The following GAK variants were observed in gnomAD, a reference collection of about 807,000 sequenced individuals.
GAK encodes the protein cyclin G associated kinase, also known as cyclin-G-associated kinase.
GAK carries 79 observed loss-of-function variants against 143.9 expected under a neutral mutation model. The ratio of observed to expected loss-of-function variants is 0.55; its 90% CI spans 0.46 to 0.66. The LOEUF (loss-of-function observed/expected upper bound fraction) is 0.66. Among genes scored for constraint, GAK ranks in the 30% least tolerant of loss-of-function variants. The pLI, the probability that GAK is intolerant of heterozygous loss-of-function variation, is 0.00. For synonymous variants in GAK, 881 were observed against 765.5 expected (o/e 1.15, Z -2.49); for missense variants, 1,693 against 1,779.7 (o/e 0.95, Z 0.88).
intron 27 of GAK, 59 bp from the exon 28 acceptor site, chr4:849,833 G>GTCCCCCCCCCCC: frequency 2.5e-6 from 3 of 1,190,152 alleles, no homozygotes; most frequent in African/African-American, 2.1e-5. Context: ...GGCGGGGCAG[G>GTCCCCCCCCCCC]ACCCCCCCCC....
At chr4:907,597 T>C (rs918875438) in intron 4 of GAK, among the ~76,000 whole-genome samples, 7 of 152,322 alleles carry the variant, frequency 4.6e-5, no homozygotes, top group Admixed American at 1.3e-4. Context: ...AAAAATTCTG[T>C]ATGTGGCTGA....
At chr4:868,737 G>T (rs1335374008) in intron 19 of GAK, 52 bp from the exon 20 acceptor site, 3 of 1,524,656 alleles carry the variant, frequency 2.0e-6, no homozygotes, top group Middle Eastern at 2.2e-4. Context: ...CAGCCTCGGG[G>T]CAACACTGAC....
intron 18 of GAK, among the ~76,000 whole-genome samples, chr4:873,988 G>A (rs758457257): frequency 2.1e-4 from 32 of 152,128 alleles, no homozygotes; most frequent in Non-Finnish European, 3.7e-4. Context: ...TTGTTCTGGC[G>A]AATTCATCAC....
intron 1 of GAK, among the ~76,000 whole-genome samples, chr4:925,574 G>A (rs907537055): frequency 6.6e-6 from 1 of 152,210 alleles, no homozygotes; most frequent in African/African-American, 2.4e-5. Context: ...ATGAATCTGT[G>A]TCCCCTCCAA....
At chr4:856,510 GCTGCTCACAC>G (rs1488248716) in intron 24 of GAK, among the ~76,000 whole-genome samples, 5 of 139,764 alleles carry the variant, frequency 3.6e-5, no homozygotes, top group Non-Finnish European at 1.5e-5. Flanking sequence ...CACCACCACA[GCTGCTCACAC>G]CTGCTCACCA....
chr4:903,731 T>G (rs1037042916), intron 5 of GAK, among the ~76,000 whole-genome samples: 2 of 136,784 alleles, frequency 1.5e-5, no homozygotes, highest in African/African-American at 5.6e-5. Flanking sequence ...GAGGAAGGAG[T>G]GTGGGGTGAG....
chr4:850,719 C>T, intron 26 of GAK: 1 of 334,258 alleles, frequency 3.0e-6, no homozygotes, highest in Non-Finnish European at 5.5e-6. Flanking sequence ...CTCTGCCCTG[C>T]CCCCCTGGCC....
intron 23 of GAK, among the ~76,000 whole-genome samples, chr4:861,554 G>C (rs1292392657): frequency 1.3e-5 from 2 of 152,154 alleles, no homozygotes. Flanking sequence ...TCGTGCCACT[G>C]CACTCCAGCC....
rs1335471172 is a variant in GAK, at chr4:884,083, A to G, written c.1209T>C (p.Tyr403=). The G allele has an allele frequency of 1.9e-6, 3 of 1,613,486 alleles. No individual in the cohort carries two copies. The highest frequency in any genetic ancestry group is 1.1e-5 in the South Asian group (1 of 91,084). The part of the protein sequence containing the change: ...SSKVIQSVAN[Y]AKGDLDISYI... ...AAGATATGTCCAGGTCACCCTTTGC[A>G]TAACTGGAATTAAAAAGAAGAGAAC... Residue 403 remains tyrosine, a synonymous_variant, in exon 12 of 28, where the codon TAT becomes TAC. Transcript: ENST00000314167.
At chr4:912,342 GC>G (rs1171825475) in intron 3 of GAK, 2 of 367,876 alleles carry the variant, frequency 5.4e-6, no homozygotes, top group East Asian at 1.4e-4. Context: ...GACGAGAGGG[GC>G]GGCTGAGAAG....
intron 1 of GAK, among the ~76,000 whole-genome samples, chr4:928,636 T>A (rs770075139): frequency 7.2e-5 from 11 of 152,246 alleles, no homozygotes; most frequent in Non-Finnish European, 1.5e-4. Flanking sequence ...TTCCTGCCAC[T>A]GAGCCCACCT....
intron 3 of GAK, 58 bp downstream of exon 3, chr4:912,677 C>A (rs909944744): frequency 7.2e-7 from 1 of 1,394,104 alleles, no homozygotes; most frequent in Non-Finnish European, 1.0e-6. Flanking sequence ...CACAGCTTGA[C>A]GCAGGCCTGT....
At chr4:928,076 G>T (rs1261546388) in intron 1 of GAK, among the ~76,000 whole-genome samples, 1 of 152,052 alleles carries the variant, frequency 6.6e-6, no homozygotes, top group Non-Finnish European at 1.5e-5. Context: ...ACTTTTTTTT[G>T]AGATAGAGTC....
At chr4:917,572 G>C (rs1374140122) in intron 1 of GAK, among the ~76,000 whole-genome samples, 1 of 152,242 alleles carries the variant, frequency 6.6e-6, no homozygotes, top group Non-Finnish European at 1.5e-5. Context: ...GAAAACTCTA[G>C]AAAATGCAAA....
At chr4:876,687 G>A in intron 17 of GAK, 78 bp from the exon 18 acceptor site, 1 of 1,267,426 alleles carries the variant, frequency 7.9e-7, no homozygotes, top group East Asian at 2.3e-5. Flanking sequence ...TTTTCCCAAT[G>A]GGCGAGATCT....
Position 867,279 on chromosome 4 carries a change from G to T in GAK, c.2549C>A (p.Pro850His). Residue 850 changes from proline to histidine, a missense_variant, in exon 21 of 28, where the codon CCC becomes CAC. Transcript: ENST00000314167. ...CTGCACCAGCCCTGCTGCCAGGCCG[G>T]GGGGCTCTGGGTCGGCCCTGGGTTC... ...GQEPRADPEPPGLAAGLVQQD... is the reference protein window; with the variant it reads ...GQEPRADPEPHGLAAGLVQQD... 1 of 1,613,062 alleles carries T rather than the reference G, an allele frequency of 6.2e-7. No homozygotes were observed. Among genetic ancestry groups the T allele is most frequent in the Non-Finnish European group, 8.5e-7 (1 of 1,179,542 alleles).
intron 1 of GAK, among the ~76,000 whole-genome samples, chr4:923,849 G>A (rs547035729): frequency 6.6e-6 from 1 of 152,026 alleles, no homozygotes; most frequent in South Asian, 2.1e-4. Context: ...ATAAACATAA[G>A]ACCTGTATCC....
intron 19 of GAK, chr4:869,805 CAA>C (rs1347062447): frequency 6.8e-6 from 1 of 146,116 alleles, no homozygotes; most frequent in East Asian, 2.1e-4. Context: ...ATGGTACACA[CAA>C]ATGCACACAC....
Position 884,100 on chromosome 4 carries a change from GAA to G in GAK, c.1206-16_1206-15del, listed in dbSNP as rs1560353387. On this transcript the variant is annotated splice_polypyrimidine_tract_variant and intron_variant, in intron 11 of 27. Transcript: ENST00000314167. ...CCCTTTGCATAACTGGAATTAAAAAGAAGAGAACTTGGTTATGACAAGAAACA... is the reference window on the plus strand; with the variant it reads ...CCCTTTGCATAACTGGAATTAAAAAGGAGAACTTGGTTATGACAAGAAACA... 6.8e-6 allele frequency: 11 copies of G among 1,611,904 alleles called. No homozygotes were observed. The highest frequency in any genetic ancestry group is 9.3e-6 in the Non-Finnish European group (11 of 1,178,190).
Sources: allele counts gnomAD v4.1 joint callset (sites outside exome capture counted in the v4.1 genomes callset), GRCh38; gene constraint gnomAD v4.1.1; transcripts MANE v1.5; gene names NCBI Gene and HGNC (gene_info 2026-07-23, HGNC 2026-07-21).